CSDE1: variants seen among roughly 807,000 people sequenced by gnomAD.
The protein encoded by CSDE1 is cold shock domain containing E1, also known as cold shock domain-containing protein E1.
A neutral mutation model predicts 89.3 loss-of-function variants in CSDE1; 17 were observed. That is an observed-to-expected ratio of 0.19 (90% CI 0.13 to 0.29). The LOEUF is 0.29. Ranked by LOEUF, CSDE1 falls within the 10% of genes least tolerant of loss-of-function variation. CSDE1 has a pLI of 1.00. For synonymous variants in CSDE1, 322 were observed against 332.8 expected, an observed-to-expected ratio of 0.97 and a Z score of 0.35; for missense variants, 672 against 984.2, an observed-to-expected ratio of 0.68 and a Z score of 4.24.
intron 1 of CSDE1, among the ~76,000 whole-genome samples, chr1:114,755,452 C>T (rs1032288307): frequency 2.0e-5 from 3 of 152,194 alleles, no homozygotes; most frequent in Non-Finnish European, 4.4e-5. Flanking sequence ...ATAGGGGAAA[C>T]TGATAATTTT....
chr1:114,757,603 C>G (rs1355834243), intron 1 of CSDE1, among the ~76,000 whole-genome samples: 1 of 152,106 alleles, frequency 6.6e-6, no homozygotes, highest in East Asian at 1.9e-4. Flanking sequence ...GAGCCCCGCA[C>G]CCTCTGCCTC....
rs1268265849 is a variant in CSDE1 at position 114,739,783 on chromosome 1, A to T, written c.108T>A (p.Ser36=). The change falls in exon 3 of 20, where the codon TCT becomes TCA. Residue 36 remains serine, a synonymous_variant. Coordinates refer to ENST00000358528, the MANE Select transcript of CSDE1 (RefSeq NM_001007553.3). ...ETGVIEKLLT[S]YGFIQCSERQ... is the part of the protein sequence containing the mutation. ...GTTCTGAACACTGAATAAATCCGTA[A>T]GAGGTTAACAGTTTTTCAATAACCC... 1 of 1,614,122 alleles carries T rather than the reference A, an allele frequency of 6.2e-7. No homozygotes were observed. Among genetic ancestry groups the T allele is most frequent in the East Asian group, 2.2e-5 (1 of 44,852 alleles).
intron 1 of CSDE1, 135 bp from the exon 2 acceptor site, chr1:114,750,342 T>C (rs906982045): frequency 5.9e-5 from 9 of 152,248 alleles, no homozygotes; most frequent in African/African-American, 1.9e-4. Context: ...CTTGGAAGCA[T>C]GCTCATCTGA....
intron 2 of CSDE1, among the ~76,000 whole-genome samples, chr1:114,745,189 A>T (rs932118461): frequency 2.8e-4 from 42 of 152,226 alleles, no homozygotes; most frequent in African/African-American, 1.0e-3. Context: ...ACATGTATCA[A>T]AATGTGGAGA....
intron 2 of CSDE1, among the ~76,000 whole-genome samples, chr1:114,748,050 AAC>A (rs997379330): frequency 1.3e-5 from 2 of 152,214 alleles, no homozygotes; most frequent in African/African-American, 2.4e-5. Context: ...AAAATTAAAT[AAC>A]AGTGTCTGTT....
intron 14 of CSDE1, among the ~76,000 whole-genome samples, chr1:114,725,575 C>T (rs184575588): frequency 3.9e-5 from 6 of 152,186 alleles, no homozygotes; most frequent in African/African-American, 1.4e-4. Context: ...AAAAATTACA[C>T]AGGTATAAAG....
chr1:114,732,972 A>G (rs976877691), intron 9 of CSDE1, among the ~76,000 whole-genome samples, 156 bp from the exon 10 acceptor site: 1 of 152,220 alleles, frequency 6.6e-6, no homozygotes, highest in African/African-American at 2.4e-5. Flanking sequence ...TGAAAGCTTC[A>G]TGGTCTATGG....
intron 2 of CSDE1, among the ~76,000 whole-genome samples, chr1:114,741,112 CACAAGA>C (rs1660702475): frequency 6.6e-6 from 1 of 152,052 alleles, no homozygotes; most frequent in South Asian, 2.1e-4. Context: ...CACAAAAGCC[CACAAGA>C]AAGTATTGTA....
At chr1:114,743,031 A>T (rs1480096860) in intron 2 of CSDE1, among the ~76,000 whole-genome samples, 1 of 152,214 alleles carries the variant, frequency 6.6e-6, no homozygotes, top group Non-Finnish European at 1.5e-5. Context: ...ACATATACAC[A>T]TATCGAAAAT....
intron 2 of CSDE1, among the ~76,000 whole-genome samples, chr1:114,747,521 C>T (rs903618833): frequency 5.3e-5 from 8 of 152,162 alleles, no homozygotes; most frequent in African/African-American, 1.9e-4. Context: ...AAAAGGACTT[C>T]GTTAAATCTA....
chr1:114,736,388 A>C (rs572360512), intron 6 of CSDE1, among the ~76,000 whole-genome samples: 1 of 152,314 alleles, frequency 6.6e-6, no homozygotes, highest in Admixed American at 6.5e-5. Flanking sequence ...CAGTTCGACC[A>C]AACTTTTGGC....
At chr1:114,735,222 T>C (rs1016423741) in intron 6 of CSDE1, among the ~76,000 whole-genome samples, 4 of 152,210 alleles carry the variant, frequency 2.6e-5, no homozygotes, top group Admixed American at 6.5e-5. Context: ...TAAGATAACA[T>C]AGACTGTATA....
At chr1:114,728,669 T>C (rs2101029076) in intron 12 of CSDE1, among the ~76,000 whole-genome samples, 1 of 152,300 alleles carries the variant, frequency 6.6e-6, no homozygotes, top group East Asian at 1.9e-4. Context: ...TGAAGTGTAT[T>C]TTTATTTTTG....
At chr1:114,747,611 G>A (rs1661080427) in intron 2 of CSDE1, among the ~76,000 whole-genome samples, 1 of 152,154 alleles carries the variant, frequency 6.6e-6, no homozygotes, top group Admixed American at 6.5e-5. Flanking sequence ...TGTAATCCCA[G>A]CACTTTGGGA....
chr1:114,737,572 C>CAAAA lies in CSDE1; in HGVS notation c.310-13_310-10dup. 2 of 1,291,132 alleles carry CAAAA rather than the reference C, an allele frequency of 1.5e-6. No homozygotes were observed. The highest frequency in any genetic ancestry group is 1.1e-6 in the Non-Finnish European group (1 of 945,294). The allele number at this position is 1,291,132 out of a possible 1,614,324, so 80.0% of individuals were successfully genotyped here. The stretch of plus-strand genomic sequence containing the variant: ...GGAACAGCGCACACAACCTACCAGT[C>CAAAA]AAAAAAAAAAAAATTTCCATTGCTA... On this transcript the variant is annotated splice_polypyrimidine_tract_variant and intron_variant, in intron 4 of 19. Coordinates refer to ENST00000358528, the MANE Select transcript of CSDE1 (RefSeq NM_001007553.3).
intron 16 of CSDE1, among the ~76,000 whole-genome samples, chr1:114,721,350 T>C (rs1471513512): frequency 2.6e-5 from 4 of 152,278 alleles, no homozygotes; most frequent in African/African-American, 9.6e-5. Context: ...AAACAAATGG[T>C]TGTGGCTGTG....
At chr1:114,746,905 T>C (rs1167201904) in intron 2 of CSDE1, 2 of 152,202 alleles carry the variant, frequency 1.3e-5, no homozygotes, top group African/African-American at 4.8e-5. Context: ...AGGTCTCTAT[T>C]TGACTACTAT....
chr1:114,725,385 G>A, intron 14 of CSDE1, 52 bp from the exon 15 acceptor site: 1 of 1,320,894 alleles, frequency 7.6e-7, no homozygotes. Context: ...AACATCAACA[G>A]TAACAGGCAG....
chr1:114,730,791 CT>C, intron 10 of CSDE1, 143 bp from the exon 11 acceptor site: 1 of 986,140 alleles, frequency 1.0e-6, no homozygotes, highest in Admixed American at 2.5e-5. Flanking sequence ...ACTGTTCTCA[CT>C]TAAGTACAAA....
Sources: allele counts gnomAD v4.1 joint callset (sites outside exome capture counted in the v4.1 genomes callset), GRCh38; gene constraint gnomAD v4.1.1; transcripts MANE v1.5; gene names NCBI Gene and HGNC (gene_info 2026-07-23, HGNC 2026-07-21).